The following PCDHA5 variants were observed in gnomAD, a reference collection of about 807,000 sequenced individuals.
The protein encoded by PCDHA5 is protocadherin alpha-5.
Under a neutral mutation model 61.6 loss-of-function variants are expected in PCDHA5, and 43 were observed. That is an observed-to-expected ratio of 0.70 (90% CI 0.55 to 0.90). The LOEUF (loss-of-function observed/expected upper bound fraction) is 0.90, where lower values mean the gene tolerates loss of function less well. Ranked by LOEUF, PCDHA5 falls within the 40% of genes least tolerant of loss-of-function variation. The probability of loss-of-function intolerance (pLI) is 0.00; values close to 1 mark genes in which losing one functional copy is unlikely to be tolerated. For synonymous variants in PCDHA5, 627 were observed against 543.9 expected (o/e 1.15, Z -2.13); for missense variants, 1,298 against 1,222.7 (o/e 1.06, Z -0.92).
chr5:140,858,354 C>A lies in PCDHA5; in HGVS notation c.2352+34227C>A, dbSNP rs782580844. On this transcript the variant is annotated intron_variant, in intron 1 of 3. Coordinates refer to ENST00000529859, the MANE Select transcript of PCDHA5 (RefSeq NM_018908.3). ...GGCCTGCCCAAGGCGGACCTCATGG[C>A]CTTCAGCCCCAGCCTTCCACCATGC... is the stretch of plus-strand genomic sequence containing the variant. 66 of 1,593,208 alleles carry A rather than the reference C, an allele frequency of 4.1e-5. 1 individual carries two copies. In the East Asian group the frequency reaches 1.4e-3, roughly 34 times the overall value.
intron 1 of PCDHA5, chr5:140,869,704 G>C: frequency 6.2e-7 from 1 of 1,613,400 alleles, no homozygotes; most frequent in Non-Finnish European, 8.5e-7. Flanking sequence ...GAAGTCTCTG[G>C]ATAGAGAGAA....
intron 1 of PCDHA5, chr5:140,871,232 T>C: frequency 6.2e-7 from 1 of 1,613,948 alleles, no homozygotes; most frequent in South Asian, 1.1e-5. Flanking sequence ...TCCAGCCTCC[T>C]GGTACTCACG....
At chr5:140,921,850 G>C (rs2080436717) in intron 1 of PCDHA5, among the ~76,000 whole-genome samples, 1 of 151,984 alleles carries the variant, frequency 6.6e-6, no homozygotes, top group African/African-American at 2.4e-5. Context: ...ATTTATAGAT[G>C]TGTGTGTATA....
chr5:140,875,949 T>G (rs1306170767), intron 1 of PCDHA5: 3 of 1,614,214 alleles, frequency 1.9e-6, no homozygotes, highest in East Asian at 4.5e-5. Flanking sequence ...GCGCTTCTGA[T>G]GCGGATATCG....
intron 1 of PCDHA5, chr5:140,854,783 A>C (rs1360368863): frequency 6.7e-6 from 1 of 149,694 alleles, no homozygotes; most frequent in East Asian, 1.9e-4. Flanking sequence ...GATTTCAAGA[A>C]CTTTGAGAGA....
intron 1 of PCDHA5, chr5:140,883,577 G>C: frequency 1.2e-6 from 2 of 1,614,052 alleles, no homozygotes; most frequent in South Asian, 1.1e-5. Context: ...TTCGCTGTGG[G>C]CCACGGCCAG....
intron 1 of PCDHA5, chr5:140,883,326 C>T (rs374138267): frequency 3.1e-6 from 5 of 1,614,044 alleles, no homozygotes; most frequent in Admixed American, 1.7e-5. Flanking sequence ...GTTACCATCA[C>T]TTCTTTGTCA....
At position 140,852,782 on chromosome 5, in the gene PCDHA5, A is replaced by T. The variant is rs2042471437; in HGVS notation, c.2352+28655A>T. ...GTATCTGATTATTTGATGTGAATAG[A>T]GGGATGCTACAGATGTCATTTGTCT... On this transcript the variant is annotated intron_variant, in intron 1 of 3. Transcript: ENST00000529859. 4 of 979,406 alleles carry T rather than the reference A, an allele frequency of 4.1e-6. No homozygotes were observed. In the South Asian group the frequency reaches 1.9e-4, roughly 47 times the overall value. 60.7% of individuals were successfully genotyped at this position (979,406 alleles called of 1,614,324 possible). A position where few individuals can be genotyped will look rare whatever the true frequency, so the allele number is the denominator to read the frequency against.
In PCDHA5 at chr5:140,836,671, G is replaced by T. The variant is rs146098956; in HGVS notation, c.2352+12544G>T. Reference sequence around the variant, plus strand: ...CGGCAGAGGGTGTGCTCTGGGGAGGGCCCACCCAAGACAGACCTCATGGCC... The same window carrying T: ...CGGCAGAGGGTGTGCTCTGGGGAGGTCCCACCCAAGACAGACCTCATGGCC... On this transcript the variant is annotated intron_variant, in intron 1 of 3. Transcript: ENST00000529859. 4.3e-6 allele frequency: 7 copies of T among 1,613,400 alleles called. 1 individual carries two copies. The highest frequency in any genetic ancestry group is 5.9e-6 in the Non-Finnish European group (7 of 1,179,594).
At chr5:140,992,457 A>G (rs2097512834) in intron 3 of PCDHA5, among the ~76,000 whole-genome samples, 1 of 152,136 alleles carries the variant, frequency 6.6e-6, no homozygotes, top group Non-Finnish European at 1.5e-5. Context: ...GCAGCAGAGG[A>G]CAGTACTCTT....
chr5:140,955,603 C>T (rs898504105), intron 1 of PCDHA5, among the ~76,000 whole-genome samples: 1 of 152,146 alleles, frequency 6.6e-6, no homozygotes, highest in Non-Finnish European at 1.5e-5. Flanking sequence ...TTATAAATTA[C>T]CCAGTCTCAG....
At chr5:140,884,622 G>A (rs781857198) in intron 1 of PCDHA5, 1 of 1,613,948 alleles carries the variant, frequency 6.2e-7, no homozygotes, top group Non-Finnish European at 8.5e-7. Context: ...TCTGCAGAGG[G>A]AACAGGCCAG....
chr5:140,831,520 CTTT>C (rs2150195630), intron 1 of PCDHA5, among the ~76,000 whole-genome samples: 2,202 of 122,358 alleles, frequency 0.018, 60 homozygotes, highest in African/African-American at 0.054. Context: ...TGCCCCCCAC[CTTT>C]TTTTTTTTTT....
chr5:140,848,337 CAA>C, intron 1 of PCDHA5: 2 of 873,308 alleles, frequency 2.3e-6, no homozygotes, highest in Non-Finnish European at 3.6e-6. Flanking sequence ...TGAATCCAGA[CAA>C]ATACAGCCCT....
intron 1 of PCDHA5, chr5:140,863,338 C>T (rs1297413635): frequency 1.3e-5 from 18 of 1,361,566 alleles, no homozygotes; most frequent in Non-Finnish European, 1.8e-5. Flanking sequence ...GCTCACGTTG[C>T]TGCTGTACAC....
chr5:140,927,247 G>A (rs782521189), intron 1 of PCDHA5: 7 of 1,613,978 alleles, frequency 4.3e-6, no homozygotes, highest in Middle Eastern at 3.3e-4. Flanking sequence ...GGACACCAAT[G>A]ACAACTCACC....
Position 140,928,056 on chromosome 5 carries a change from G to A in PCDHA5, c.2353-50893G>A, listed in dbSNP as rs183490994. ...CTAGTGCAGGCCCTTTTCAGCTGAC[G>A]GCTTCCTTTGACAACTACTACAGCC... On this transcript the variant is annotated intron_variant, in intron 1 of 3. Coordinates refer to ENST00000529859, the MANE Select transcript of PCDHA5 (RefSeq NM_018908.3). The A allele has an allele frequency of 2.8e-5, 45 of 1,614,154 alleles. 1 individual carries two copies. The East Asian group carries it at 4.7e-4, about 17-fold the overall frequency.
intron 1 of PCDHA5, among the ~76,000 whole-genome samples, chr5:140,961,312 A>G (rs2095603612): frequency 6.6e-6 from 1 of 152,156 alleles, no homozygotes; most frequent in Non-Finnish European, 1.5e-5. Context: ...ATGATTTACC[A>G]GGCTCTGTTT....
chr5:140,923,033 A>T (rs6895136), intron 1 of PCDHA5, among the ~76,000 whole-genome samples: 8,640 of 152,308 alleles, frequency 0.057, 727 homozygotes, highest in African/African-American at 0.19. Flanking sequence ...CTCTATTACT[A>T]CATGTATAGT....
Sources: gnomAD v4.1 joint callset for allele counts (sites outside exome capture counted in the v4.1 genomes callset) on GRCh38, gnomAD v4.1.1 for gene constraint, MANE v1.5 for transcripts, NCBI Gene and HGNC (gene_info 2026-07-23, HGNC 2026-07-21) for gene names.